DST: variants seen among roughly 807,000 people sequenced by gnomAD.
DST encodes the protein bullous pemphigoid antigen.
Under a neutral mutation model 875.2 loss-of-function variants are expected in DST, and 253 were observed. That is an observed-to-expected ratio of 0.29 (90% CI 0.26 to 0.32). DST has a LOEUF of 0.32. Ranked by LOEUF, DST falls within the 10% of genes least tolerant of loss-of-function variation. The pLI is 1.00. For missense variants in DST, 8,287 were observed against 9,111.6 expected (o/e 0.91, Z 3.68); for synonymous variants, 3,124 against 3,197.1 (o/e 0.98, Z 0.77).
rs542570198 is a variant in DST at position 56,912,600 on chromosome 6, CT to C, written c.217-11980del. Among the ~76,000 whole-genome samples, 226 of 152,316 alleles carry C rather than the reference CT, an allele frequency of 1.5e-3. 1 individual carries two copies. Among genetic ancestry groups the C allele is most frequent in the Middle Eastern group, 6.8e-3 (2 of 294 alleles). On this transcript the variant is annotated intron_variant, in intron 2 of 103. Transcript: ENST00000680361. Reference sequence around the variant, plus strand: ...CGGCTACAGCAAGCAACACCAAAACCTCAGGAGCTTAACACAATAAAAGTTT... The same window carrying C: ...CGGCTACAGCAAGCAACACCAAAACCCAGGAGCTTAACACAATAAAAGTTT...
intron 45 of DST, among the ~76,000 whole-genome samples, chr6:56,599,348 CTTTAT>C (rs1046306323): frequency 1.2e-4 from 18 of 151,998 alleles, no homozygotes; most frequent in Admixed American, 6.6e-5. Flanking sequence ...TTTTTCCATA[CTTTAT>C]TTTAATCTTC....
At chr6:56,699,510 A>G (rs541207194) in intron 9 of DST, 143 bp downstream of exon 9, 1 of 527,638 alleles carries the variant, frequency 1.9e-6, no homozygotes, top group South Asian at 2.9e-5. Context: ...TGTTGCTTAA[A>G]AGAACAATTC....
At position 56,458,833 on chromosome 6, in the gene DST, G is replaced by T; in HGVS notation, c.*172C>A. ...ATGTGACTTTAACCCCAGAATATCT[G>T]ACAAAAAAAATTATACAGATAAAAT... On this transcript the variant is annotated 3_prime_UTR_variant, in exon 104 of 104. Coordinates refer to ENST00000680361, the MANE Select transcript of DST (RefSeq NM_001374736.1). 1 of 719,374 alleles carries T rather than the reference G, an allele frequency of 1.4e-6. No individual in the cohort carries two copies. Among genetic ancestry groups the T allele is most frequent in the Non-Finnish European group, 2.1e-6 (1 of 483,038 alleles). 44.6% of individuals were successfully genotyped at this position (719,374 alleles called of 1,614,324 possible). A position where few individuals can be genotyped will look rare whatever the true frequency, so the allele number is the denominator to read the frequency against.
intron 5 of DST, chr6:56,735,008 T>G (rs1462153054): frequency 1.3e-5 from 6 of 448,946 alleles, no homozygotes; most frequent in Non-Finnish European, 2.3e-5. Context: ...CGTCACAGAA[T>G]GCACTGAAAT....
intron 37 of DST, among the ~76,000 whole-genome samples, chr6:56,611,975 A>G (rs1306171834): frequency 1.1e-4 from 16 of 152,182 alleles, no homozygotes; most frequent in Non-Finnish European, 7.3e-5. Flanking sequence ...GTGGGACACT[A>G]CTTCCAAAGG....
chr6:56,615,799 C>CA, intron 36 of DST: 1 of 1,614,108 alleles, frequency 6.2e-7, no homozygotes, highest in South Asian at 1.1e-5. Context: ...ACTGAAATTC[C>CA]AAACATCGGA....
At chr6:56,504,163 G>A (rs1478590920) in intron 77 of DST, 65 bp from the exon 78 acceptor site, 4 of 968,414 alleles carry the variant, frequency 4.1e-6, no homozygotes, top group Admixed American at 2.4e-5. Flanking sequence ...AGTATTTCAA[G>A]TACTACAGAA....
chr6:56,761,456 T>G (rs2099617002), intron 4 of DST, among the ~76,000 whole-genome samples: 1 of 152,226 alleles, frequency 6.6e-6, no homozygotes, highest in African/African-American at 2.4e-5. Context: ...CATGTTATGT[T>G]GGTGCAAAAG....
At position 56,900,495 on chromosome 6, in the gene DST, G is replaced by A. The variant is rs779381492; in HGVS notation, c.343C>T (p.Arg115Ter). The A allele has an allele frequency of 5.8e-6, 8 of 1,367,648 alleles. No individual in the cohort carries two copies. The highest frequency in any genetic ancestry group is 2.1e-4 in the Middle Eastern group (1 of 4,768). 84.7% of individuals were successfully genotyped at this position (1,367,648 alleles called of 1,614,324 possible). A position where few individuals can be genotyped will look rare whatever the true frequency, so the allele number is the denominator to read the frequency against. ...ACTCGGCTGCTCTTCTTGATTCTTC[G>A]TTTCCTCACTGAAGTTTCTTGCTCA... ...QSEQETSVRK[R>*]RIKKSSRVQP... Residue 115 changes from arginine to a stop codon, truncating the protein, a stop_gained, in exon 3 of 104, where the codon CGA becomes TGA. Coordinates refer to ENST00000680361, the MANE Select transcript of DST (RefSeq NM_001374736.1). LOFTEE classifies it high-confidence loss of function.
At chr6:56,914,256 T>C (rs529471459) in intron 2 of DST, among the ~76,000 whole-genome samples, 1 of 152,272 alleles carries the variant, frequency 6.6e-6, no homozygotes, top group African/African-American at 2.4e-5. Context: ...CAACATTGCA[T>C]CCATATTAAA....
At chr6:56,579,996 G>A (rs909438028) in intron 49 of DST, among the ~76,000 whole-genome samples, 2 of 152,188 alleles carry the variant, frequency 1.3e-5, no homozygotes, top group Admixed American at 6.5e-5. Flanking sequence ...AAGGGCTGAA[G>A]ACAATTCCAC....
rs757980704 is a variant in DST, at chr6:56,553,568, G to A, written c.15224C>T (p.Thr5075Ile). The A allele has an allele frequency of 2.5e-6, 4 of 1,613,762 alleles. No individual in the cohort carries two copies. ...AGATTTGTTTTGCTCTTCTTTCTTTGTATCCAGCCAAGCCTGAAAATCTCT... is the reference window on the plus strand; with the variant it reads ...AGATTTGTTTTGCTCTTCTTTCTTTATATCCAGCCAAGCCTGAAAATCTCT... Reference protein sequence around the residue: ...MSRDFQAWLDTKKEEQNKSHP... With the variant: ...MSRDFQAWLDIKKEEQNKSHP... The change falls in exon 61 of 104, where the codon ACA becomes ATA. Residue 5075 changes from threonine to isoleucine, a missense_variant. Coordinates refer to ENST00000680361, the MANE Select transcript of DST (RefSeq NM_001374736.1).
intron 61 of DST, 98 bp downstream of exon 61, chr6:56,552,086 T>G (rs1259024514): frequency 2.3e-5 from 30 of 1,313,356 alleles, no homozygotes; most frequent in Non-Finnish European, 2.9e-5. Context: ...ATGACAATCA[T>G]TATTAAAAAG....
chr6:56,846,620 T>C (rs963652016), intron 4 of DST, among the ~76,000 whole-genome samples: 11 of 152,304 alleles, frequency 7.2e-5, no homozygotes, highest in African/African-American at 1.9e-4. Flanking sequence ...TATTCTCACA[T>C]TGACCCTAGG....
At chr6:56,708,212 T>TA (rs985539739) in intron 5 of DST, among the ~76,000 whole-genome samples, 9 of 152,316 alleles carry the variant, frequency 5.9e-5, no homozygotes, top group East Asian at 1.9e-4. Context: ...GGGTTTTTTT[T>TA]ATCTTTAAAA....
chr6:56,842,319 A>C (rs2099801124), intron 4 of DST, among the ~76,000 whole-genome samples: 2 of 152,224 alleles, frequency 1.3e-5, no homozygotes, highest in Non-Finnish European at 2.9e-5. Context: ...GATGGTATAC[A>C]CACACTTAAA....
At chr6:56,947,250 C>CTTTTT (rs34159658) in intron 2 of DST, among the ~76,000 whole-genome samples, 3 of 135,490 alleles carry the variant, frequency 2.2e-5, no homozygotes, top group Admixed American at 7.6e-5. Context: ...GCTACTCTCT[C>CTTTTT]TTTTTTTTTT....
rs754482991 is a variant in DST at position 56,615,964 on chromosome 6, G to A, written c.4930-1480C>T. The A allele has an allele frequency of 1.1e-5, 17 of 1,614,030 alleles. No homozygotes were observed. Among genetic ancestry groups the A allele is most frequent in the African/African-American group, 5.3e-5 (4 of 74,914 alleles). ...CAACCAGGCCTCTATGCAAAGCTTC[G>A]GCCACCCGGTACTTTTTGCCAGTAA... is the stretch of plus-strand genomic sequence containing the variant. On this transcript the variant is annotated intron_variant, in intron 36 of 103. Transcript: ENST00000680361.
chr6:56,564,440 T>C (rs1195136454), intron 55 of DST, among the ~76,000 whole-genome samples: 1 of 152,234 alleles, frequency 6.6e-6, no homozygotes, highest in Non-Finnish European at 1.5e-5. Flanking sequence ...GAGACTTTGC[T>C]GAAGTTGCTT....
Sources: allele counts gnomAD v4.1 joint callset (sites outside exome capture counted in the v4.1 genomes callset), GRCh38; gene constraint gnomAD v4.1.1; transcripts MANE v1.5; gene names NCBI Gene and HGNC (gene_info 2026-07-23, HGNC 2026-07-21).